The following HS6ST2 variants were observed in gnomAD, a reference collection of about 807,000 sequenced individuals.
The protein encoded by HS6ST2 is heparan sulfate 6-O-sulfotransferase 2.
HS6ST2 carries 17 observed loss-of-function variants against 33.0 expected under a neutral mutation model. The ratio of observed to expected loss-of-function variants is 0.52; its 90% CI spans 0.35 to 0.77. The LOEUF (loss-of-function observed/expected upper bound fraction) is 0.77. Ranked by LOEUF, HS6ST2 falls within the 30% of genes least tolerant of loss-of-function variation. HS6ST2 has a pLI of 0.01. For missense variants in HS6ST2, 519 were observed against 551.7 expected, an observed-to-expected ratio of 0.94 and a Z score of 0.59; for synonymous variants, 248 against 237.1, an observed-to-expected ratio of 1.05 and a Z score of -0.42.
chrX:132,645,618 C>G (rs2063634842), intron 4 of HS6ST2, among the ~76,000 whole-genome samples: 1 of 112,084 alleles, frequency 8.9e-6, no homozygotes, highest in African/African-American at 3.2e-5. Context: ...ACATGTCGAC[C>G]TTCACCTTCT....
intron 2 of HS6ST2, chrX:132,708,698 G>T: frequency 2.7e-6 from 1 of 368,453 alleles, no homozygotes. Flanking sequence ...AAGGCTAAAA[G>T]GGGCAAGGCT....
At chrX:132,698,582 C>G (rs60232881) in intron 3 of HS6ST2, among the ~76,000 whole-genome samples, 13,540 of 110,822 alleles carry the variant, frequency 0.12, 767 homozygotes, top group East Asian at 0.27. Flanking sequence ...ACATATATAC[C>G]CTCATTTGGG....
At chrX:132,776,326 A>G (rs1428875183) in intron 2 of HS6ST2, among the ~76,000 whole-genome samples, 3 of 112,245 alleles carry the variant, frequency 2.7e-5, no homozygotes, top group Non-Finnish European at 5.6e-5. Context: ...GAAGTATATT[A>G]ATGTGAAGAA....
chrX:132,637,809 T>TA (rs199708858), intron 4 of HS6ST2, among the ~76,000 whole-genome samples: 25,166 of 62,500 alleles, frequency 0.4, 5,105 homozygotes, highest in African/African-American at 0.71. Flanking sequence ...ATATTATATA[T>TA]TATTTTATAT....
chrX:132,806,835 T>C (rs773597734), intron 2 of HS6ST2, among the ~76,000 whole-genome samples: 3 of 109,976 alleles, frequency 2.7e-5, no homozygotes, highest in Non-Finnish European at 5.8e-5. Flanking sequence ...TGTAGCATCT[T>C]ATACCCCTAA....
intron 2 of HS6ST2, among the ~76,000 whole-genome samples, chrX:132,855,299 C>G (rs965774092): frequency 1.8e-5 from 2 of 112,211 alleles, no homozygotes; most frequent in Non-Finnish European, 3.8e-5. Flanking sequence ...TAGACATAGT[C>G]TCATTTTATT....
chrX:132,646,309 G>A (rs972632994), intron 4 of HS6ST2, among the ~76,000 whole-genome samples: 1 of 110,845 alleles, frequency 9.0e-6, no homozygotes, highest in Non-Finnish European at 1.9e-5. Flanking sequence ...GAGATAAGGA[G>A]TACGGGGTCA....
rs1259972198 is a variant in HS6ST2, at chrX:132,932,288, A to C, written c.947+24520T>G. On this transcript the variant is annotated intron_variant, in intron 2 of 4. Transcript: ENST00000370833. ...GTCAAAAACAATACAGCAATCACCC[A>C]ACAATTAGTGGAGTCCAACAGATAG... 4.5e-5 allele frequency among the ~76,000 whole-genome samples: 5 copies of C among 111,243 alleles called. No individual in the cohort carries two copies. In the East Asian group the frequency reaches 1.4e-3, roughly 31 times the overall value.
Position 132,943,507 on chromosome X carries a change from T to G in HS6ST2, c.947+13301A>C, listed in dbSNP as rs1465526369. On this transcript the variant is annotated intron_variant, in intron 2 of 4. Transcript: ENST00000370833. ...AGAGGGAATCCTCCCTAACTCATTT[T>G]ATGAGGCCAGCATCATCCTGATACC... is the stretch of plus-strand genomic sequence containing the variant. 5.4e-5 allele frequency among the ~76,000 whole-genome samples: 6 copies of G among 111,565 alleles called. No individual in the cohort carries two copies. The Admixed American group carries it at 5.7e-4, about 11-fold the overall frequency.
intron 2 of HS6ST2, among the ~76,000 whole-genome samples, chrX:132,781,202 T>A (rs1192510647): frequency 8.9e-6 from 1 of 112,282 alleles, no homozygotes; most frequent in African/African-American, 3.2e-5. Context: ...TGAAAAGATA[T>A]AAGACAATAA....
chrX:132,899,441 G>A (rs1490684260), intron 2 of HS6ST2, among the ~76,000 whole-genome samples: 1 of 111,369 alleles, frequency 9.0e-6, no homozygotes, highest in African/African-American at 3.3e-5. Flanking sequence ...AACATGGAGG[G>A]TACAGGAAAG....
At chrX:132,784,336 G>C (rs939491134) in intron 2 of HS6ST2, among the ~76,000 whole-genome samples, 1 of 111,316 alleles carries the variant, frequency 9.0e-6, no homozygotes, top group Admixed American at 9.6e-5. Context: ...TGTTGAGGCA[G>C]TCTCGCTCCG....
intron 4 of HS6ST2, among the ~76,000 whole-genome samples, chrX:132,632,123 GA>G (rs1265797498): frequency 9.0e-6 from 1 of 110,967 alleles, no homozygotes; most frequent in Non-Finnish European, 1.9e-5. Context: ...AGAGAAGTTA[GA>G]GGGGCACACA....
chrX:132,944,682 C>T (rs1327620805), intron 2 of HS6ST2, among the ~76,000 whole-genome samples: 1 of 110,472 alleles, frequency 9.1e-6, no homozygotes, highest in Non-Finnish European at 1.9e-5. Context: ...CAGAACAGAG[C>T]CCTCAGAAAT....
chrX:132,689,785 G>A (rs1369034680), intron 3 of HS6ST2, among the ~76,000 whole-genome samples: 4 of 112,289 alleles, frequency 3.6e-5, no homozygotes, highest in Non-Finnish European at 7.5e-5. Flanking sequence ...AAGCAAGCTT[G>A]TACAAACCGC....
At chrX:132,821,984 C>T (rs7878947) in intron 2 of HS6ST2, among the ~76,000 whole-genome samples, 42,234 of 109,869 alleles carry the variant, frequency 0.38, 6,699 homozygotes, top group African/African-American at 0.57. Flanking sequence ...GAGCCAGACC[C>T]CATCTCAAAA....
At chrX:132,778,775 G>A (rs1413939571) in intron 2 of HS6ST2, among the ~76,000 whole-genome samples, 1 of 111,363 alleles carries the variant, frequency 9.0e-6, no homozygotes. Flanking sequence ...TTTTCTAAAA[G>A]TTGCCTTAAA....
chrX:132,754,575 C>T (rs2064739560), intron 2 of HS6ST2, among the ~76,000 whole-genome samples: 1 of 109,801 alleles, frequency 9.1e-6, no homozygotes, highest in Non-Finnish European at 1.9e-5. Context: ...TGCCACCACG[C>T]CCATCTAATT....
At chrX:132,791,102 G>A (rs1482902125) in intron 2 of HS6ST2, among the ~76,000 whole-genome samples, 2 of 110,825 alleles carry the variant, frequency 1.8e-5, no homozygotes, top group African/African-American at 6.6e-5. Flanking sequence ...ACCCATGACT[G>A]CACCGCTGCA....
Sources: gnomAD v4.1 joint callset for allele counts (sites outside exome capture counted in the v4.1 genomes callset) on GRCh38, gnomAD v4.1.1 for gene constraint, MANE v1.5 for transcripts, NCBI Gene and HGNC (gene_info 2026-07-23, HGNC 2026-07-21) for gene names.